The following TBCD variants were observed in gnomAD, a reference collection of about 807,000 sequenced individuals.
TBCD encodes the protein tubulin folding cofactor D.
TBCD carries 105 observed loss-of-function variants against 169.3 expected under a neutral mutation model. The observed-to-expected ratio is 0.62, with a 90% CI of 0.53 to 0.73. The LOEUF is 0.73. TBCD is among the 30% of genes least tolerant of loss of function. TBCD has a pLI of 0.00. For synonymous variants in TBCD, 700 were observed against 643.9 expected, an observed-to-expected ratio of 1.09 and a Z score of -1.32; for missense variants, 1,444 against 1,600.1, an observed-to-expected ratio of 0.90 and a Z score of 1.66.
chr17:82,870,749 A>G (rs1189862131), intron 14 of TBCD, among the ~76,000 whole-genome samples: 1 of 152,212 alleles, frequency 6.6e-6, no homozygotes, highest in Non-Finnish European at 1.5e-5. Flanking sequence ...GGAGGAAGCA[A>G]GTGGGGCACG....
At chr17:82,928,033 C>T (rs762647420) in intron 30 of TBCD, 45 bp downstream of exon 30, 17 of 1,579,560 alleles carry the variant, frequency 1.1e-5, no homozygotes, top group East Asian at 4.5e-5. Flanking sequence ...AGGGCAGCCC[C>T]GAGCTTGGGG....
chr17:82,942,621 C>A lies in TBCD; in HGVS notation c.*158C>A. 1.1e-6 allele frequency: 1 copy of A among 897,948 alleles called. No homozygotes were observed. Among genetic ancestry groups the A allele is most frequent in the Non-Finnish European group, 1.8e-6 (1 of 569,970 alleles). 55.6% of individuals were successfully genotyped at this position (897,948 alleles called of 1,614,324 possible). A position where few individuals can be genotyped will look rare whatever the true frequency, so the allele number is the denominator to read the frequency against. ...ACTAGCTGACAGCTTTTCCTCTCTG[C>A]ACCTGCGCTCTGGTGACTTGGGGTG... On this transcript the variant is annotated 3_prime_UTR_variant, in exon 39 of 39. Coordinates refer to ENST00000355528, the MANE Select transcript of TBCD (RefSeq NM_005993.5).
At chr17:82,841,916 C>T (rs770619285) in intron 13 of TBCD, among the ~76,000 whole-genome samples, 4 of 152,230 alleles carry the variant, frequency 2.6e-5, no homozygotes, top group Non-Finnish European at 4.4e-5. Context: ...CTTAGTAGCA[C>T]TTCAGAGGCC....
chr17:82,856,451 AAAAG>A (rs2056287576), intron 13 of TBCD, among the ~76,000 whole-genome samples: 1 of 151,944 alleles, frequency 6.6e-6, no homozygotes, highest in Non-Finnish European at 1.5e-5. Context: ...TACAAAGAAA[AAAAG>A]AAAAAAAACA....
Position 82,907,756 on chromosome 17 carries a change from T to C in TBCD, c.1923-5T>C. On this transcript the variant is annotated splice_polypyrimidine_tract_variant and splice_region_variant and intron_variant, in intron 20 of 38. Transcript: ENST00000355528. ...GACTTCAGCTCTGTGTTTGAACTTC[T>C]GCAGGCCCGTCACGGACCATCTGGA... 6.2e-7 allele frequency: 1 copy of C among 1,613,774 alleles called. No individual in the cohort carries two copies. The highest frequency in any genetic ancestry group is 8.5e-7 in the Non-Finnish European group (1 of 1,179,798).
chr17:82,826,538 C>G (rs973454228), intron 13 of TBCD, among the ~76,000 whole-genome samples: 1 of 152,036 alleles, frequency 6.6e-6, no homozygotes, highest in Non-Finnish European at 1.5e-5. Context: ...GCCTCAGCCT[C>G]TCAAGTTGGT....
chr17:82,807,597 T>G lies in TBCD; in HGVS notation c.1088-11T>G. 1 of 1,508,870 alleles carries G rather than the reference T, an allele frequency of 6.6e-7. No individual in the cohort carries two copies. Among genetic ancestry groups the G allele is most frequent in the African/African-American group, 1.4e-5 (1 of 71,692 alleles). The allele number at this position is 1,508,870 out of a possible 1,614,324, so 93.5% of individuals were successfully genotyped here. A position where few individuals can be genotyped will look rare whatever the true frequency, so the allele number is the denominator to read the frequency against. On this transcript the variant is annotated splice_polypyrimidine_tract_variant and intron_variant, in intron 10 of 38. Coordinates refer to ENST00000355528, the MANE Select transcript of TBCD (RefSeq NM_005993.5). ...TGGACTCTGTCACGCATCACCTTCC[T>G]CTTCCTACAGAGCAGCTGCTGGTCG...
At chr17:82,775,162 C>G (rs556036674) in intron 6 of TBCD, among the ~76,000 whole-genome samples, 1 of 152,304 alleles carries the variant, frequency 6.6e-6, no homozygotes, top group South Asian at 2.1e-4. Context: ...CACCTAGTGC[C>G]GGGATGAGCA....
At chr17:82,879,590 T>G (rs1230095276) in intron 14 of TBCD, among the ~76,000 whole-genome samples, 1 of 152,094 alleles carries the variant, frequency 6.6e-6, no homozygotes, top group Non-Finnish European at 1.5e-5. Context: ...TCTGTGCTGG[T>G]CCGGGATGCA....
At chr17:82,860,251 G>T (rs148718839) in intron 13 of TBCD, 2 of 397,062 alleles carry the variant, frequency 5.0e-6, no homozygotes, top group Non-Finnish European at 6.8e-6. Flanking sequence ...GTTGAGCAGA[G>T]CGGGTAGGAG....
chr17:82,903,825 A>G lies in TBCD; in HGVS notation c.1804+347A>G, dbSNP rs1206699108. On this transcript the variant is annotated intron_variant, in intron 19 of 38. Transcript: ENST00000355528. This position sits in a 1 kb window ranked among gnomAD's most constrained non-coding sequence, Gnocchi z 4.8. ...CTAGGTGGCTCGCACCTGCCACACG[A>G]CACTCCCTGGTCTCTAGGTGGCTCG... 2.9e-5 allele frequency among the ~76,000 whole-genome samples: 3 copies of G among 104,602 alleles called. No individual in the cohort carries two copies. The highest frequency in any genetic ancestry group is 9.5e-5 in the Admixed American group (1 of 10,486). 68.6% of individuals were successfully genotyped at this position (104,602 alleles called of 152,430 possible). A position where few individuals can be genotyped will look rare whatever the true frequency, so the allele number is the denominator to read the frequency against.
rs559226601 is a variant in TBCD at position 82,915,139 on chromosome 17, G to C, written c.2038+3350G>C. On this transcript the variant is annotated intron_variant, in intron 23 of 38. Coordinates refer to ENST00000355528, the MANE Select transcript of TBCD (RefSeq NM_005993.5). This position sits in a 1 kb window ranked among gnomAD's most constrained non-coding sequence, Gnocchi z 4.3. ...GGTTCACGGGCTACATGTGGGAGAC[G>C]GGGAGGGGCTGCTGGTCACTTTCTC... is the stretch of plus-strand genomic sequence containing the variant. Among the ~76,000 whole-genome samples the C allele has an allele frequency of 6.6e-6, 1 of 152,124 alleles. No individual in the cohort carries two copies. Among genetic ancestry groups the C allele is most frequent in the African/African-American group, 2.4e-5 (1 of 41,418 alleles).
chr17:82,893,526 C>G, intron 16 of TBCD, 21 bp from the exon 17 acceptor site: 1 of 1,564,014 alleles, frequency 6.4e-7, no homozygotes. Flanking sequence ...TCTTTTTCCC[C>G]CATTTCCACT....
intron 13 of TBCD, among the ~76,000 whole-genome samples, chr17:82,816,614 A>T (rs560628666): frequency 1.1e-4 from 16 of 151,354 alleles, no homozygotes; most frequent in Non-Finnish European, 2.4e-4. Context: ...GCTCACTGTA[A>T]TCTCTGCCTC....
chr17:82,832,404 C>T lies in TBCD; in HGVS notation c.1318+17470C>T, dbSNP rs1478423046. The T allele has an allele frequency of 3.7e-6, 6 of 1,614,092 alleles. No individual in the cohort carries two copies. The highest frequency in any genetic ancestry group is 1.7e-5 in the Admixed American group (1 of 60,024). On this transcript the variant is annotated intron_variant, in intron 13 of 38. Coordinates refer to ENST00000355528, the MANE Select transcript of TBCD (RefSeq NM_005993.5). The surrounding 1 kb of genome is among the most constrained non-coding windows in gnomAD (Gnocchi z 4.9). ...TATACTTGAAGGGCTTTCCTGGAGGCCTGGGGATGTAATGTGGCTTTTTTG... is the reference window on the plus strand; with the variant it reads ...TATACTTGAAGGGCTTTCCTGGAGGTCTGGGGATGTAATGTGGCTTTTTTG...
At chr17:82,870,118 A>G (rs1471031808) in intron 13 of TBCD, 106 bp from the exon 14 acceptor site, 52 of 1,501,104 alleles carry the variant, frequency 3.5e-5, no homozygotes, top group Non-Finnish European at 4.6e-5. Flanking sequence ...TGCCTCACTC[A>G]TCTGGCACCG....
rs957636350 is a variant in TBCD, at chr17:82,923,977, C to T, written c.2260+244C>T. On this transcript the variant is annotated intron_variant, in intron 26 of 38. Transcript: ENST00000355528. The surrounding 1 kb of genome is among the most constrained non-coding windows in gnomAD (Gnocchi z 4.6). ...AGCAGGGACGCGTCTCTGTTGACGGCACCCTCTTGCTCCATCACCCAGGCT... is the reference window on the plus strand; with the variant it reads ...AGCAGGGACGCGTCTCTGTTGACGGTACCCTCTTGCTCCATCACCCAGGCT... Among the ~76,000 whole-genome samples, 4 of 152,156 alleles carry T rather than the reference C, an allele frequency of 2.6e-5. No homozygotes were observed. The highest frequency in any genetic ancestry group is 2.6e-4 in the Admixed American group (4 of 15,280).
intron 17 of TBCD, among the ~76,000 whole-genome samples, chr17:82,894,913 G>C (rs2059379100): frequency 1.3e-5 from 2 of 152,176 alleles, no homozygotes; most frequent in Admixed American, 6.5e-5. Context: ...GGAAGCGGAG[G>C]CTGCAGTGAG....
At chr17:82,778,821 CT>C (rs1437011136) in intron 6 of TBCD, among the ~76,000 whole-genome samples, 1 of 151,948 alleles carries the variant, frequency 6.6e-6, no homozygotes, top group Admixed American at 6.6e-5. Flanking sequence ...GCCAGCACCC[CT>C]GGCTAATTTT....
Sources: gnomAD v4.1 joint callset for allele counts (sites outside exome capture counted in the v4.1 genomes callset) on GRCh38, gnomAD v4.1.1 for gene constraint, Gnocchi (gnomAD v3.1) non-coding constraint, MANE v1.5 for transcripts, NCBI Gene and HGNC (gene_info 2026-07-23, HGNC 2026-07-21) for gene names.